The following CCDC60 variants were observed in gnomAD, a reference collection of about 807,000 sequenced individuals.
The protein encoded by CCDC60 is coiled-coil domain-containing protein 60.
A neutral mutation model predicts 63.5 loss-of-function variants in CCDC60; 54 were observed. The ratio of observed to expected loss-of-function variants is 0.85; its 90% CI spans 0.68 to 1.07. CCDC60 has a LOEUF of 1.07. CCDC60 is among the 50% of genes least tolerant of loss of function. The probability of loss-of-function intolerance (pLI) is 0.00; values close to 1 mark genes in which losing one functional copy is unlikely to be tolerated. For missense variants in CCDC60, 651 were observed against 684.3 expected (o/e 0.95, Z 0.54); for synonymous variants, 206 against 238.8 (o/e 0.86, Z 1.27).
chr12:119,374,370 A>T (rs1034289999), intron 1 of CCDC60, among the ~76,000 whole-genome samples: 3 of 152,256 alleles, frequency 2.0e-5, no homozygotes, highest in Non-Finnish European at 4.4e-5. Flanking sequence ...TTTAAAGATG[A>T]GAAAACTAAA....
chr12:119,536,726 GA>G (rs1953016276), intron 13 of CCDC60, among the ~76,000 whole-genome samples: 1 of 152,172 alleles, frequency 6.6e-6, no homozygotes, highest in Non-Finnish European at 1.5e-5. Context: ...TTTTCTTTAA[GA>G]ATGCTGAATA....
At chr12:119,342,151 C>T (rs759219623) in intron 1 of CCDC60, among the ~76,000 whole-genome samples, 3 of 152,184 alleles carry the variant, frequency 2.0e-5, no homozygotes, top group Non-Finnish European at 4.4e-5. Context: ...TGGCAAGGCC[C>T]AAGGCCCTTT....
intron 8 of CCDC60, among the ~76,000 whole-genome samples, chr12:119,518,157 C>T (rs995862982): frequency 1.3e-5 from 2 of 152,162 alleles, no homozygotes; most frequent in African/African-American, 4.8e-5. Context: ...CACTTGGAGG[C>T]ACTCAGAGAC....
At chr12:119,418,408 T>C (rs1277230464) in intron 1 of CCDC60, among the ~76,000 whole-genome samples, 17 of 48,824 alleles carry the variant, frequency 3.5e-4, no homozygotes, top group Middle Eastern at 0.017. Context: ...TTTTTTTTTT[T>C]TTTTTTTTTT....
At chr12:119,430,177 C>CACACACACACACACACACACAT in intron 2 of CCDC60, among the ~76,000 whole-genome samples, 1 of 18,790 alleles carries the variant, frequency 5.3e-5, no homozygotes, top group Admixed American at 7.5e-4. Flanking sequence ...CACACATACA[C>CACACACACACACACACACACAT]ACACACACAC....
intron 1 of CCDC60, among the ~76,000 whole-genome samples, chr12:119,387,199 A>ACTCTGCC (rs1241090695): frequency 6.6e-6 from 1 of 151,976 alleles, no homozygotes; most frequent in Non-Finnish European, 1.5e-5. Context: ...AAAACACTGA[A>ACTCTGCC]CTCTGCCCGA....
chr12:119,347,514 A>G (rs1955609711), intron 1 of CCDC60, among the ~76,000 whole-genome samples: 1 of 152,208 alleles, frequency 6.6e-6, no homozygotes, highest in African/African-American at 2.4e-5. Flanking sequence ...TGCGTTGCTC[A>G]TGATTCTATC....
intron 5 of CCDC60, among the ~76,000 whole-genome samples, chr12:119,499,405 A>G (rs7304132): frequency 0.055 from 8,361 of 152,330 alleles, 292 homozygotes; most frequent in Non-Finnish European, 0.081. Flanking sequence ...CACACTAGTG[A>G]GGAGCCCTGA....
At chr12:119,378,900 C>T (rs764221901) in intron 1 of CCDC60, among the ~76,000 whole-genome samples, 2 of 152,224 alleles carry the variant, frequency 1.3e-5, no homozygotes, top group Non-Finnish European at 2.9e-5. Context: ...TCCCTCTGTA[C>T]ATGGTGGGTA....
At chr12:119,367,443 C>G (rs967932956) in intron 1 of CCDC60, among the ~76,000 whole-genome samples, 4 of 152,188 alleles carry the variant, frequency 2.6e-5, no homozygotes, top group African/African-American at 9.7e-5. Flanking sequence ...CCAAGTCCCC[C>G]AAACTCTGCA....
intron 1 of CCDC60, among the ~76,000 whole-genome samples, chr12:119,367,022 G>A (rs1327884443): frequency 2.0e-5 from 3 of 152,014 alleles, no homozygotes; most frequent in East Asian, 1.9e-4. Flanking sequence ...TAATACAGAC[G>A]AGGTTTCACC....
chr12:119,467,174 G>A lies in CCDC60; in HGVS notation c.171-4820G>A, dbSNP rs140933400. Among the ~76,000 whole-genome samples, 9 of 152,268 alleles carry A rather than the reference G, an allele frequency of 5.9e-5. No homozygotes were observed. In the South Asian group the frequency reaches 1.2e-3, roughly 21 times the overall value. On this transcript the variant is annotated intron_variant, in intron 2 of 13. Coordinates refer to ENST00000327554, the MANE Select transcript of CCDC60 (RefSeq NM_178499.5). ...GGTGCAGTCATGGAGCAGTAACACC[G>A]CCTCTTCAATAAAGCTGTTTTCTTC...
chr12:119,389,328 CA>C (rs777756792), intron 1 of CCDC60, among the ~76,000 whole-genome samples: 4 of 152,206 alleles, frequency 2.6e-5, no homozygotes, highest in Non-Finnish European at 5.9e-5. Flanking sequence ...GGAACACAGC[CA>C]CGCCCATTTC....
intron 1 of CCDC60, among the ~76,000 whole-genome samples, chr12:119,347,833 G>A (rs1340813740): frequency 6.6e-6 from 1 of 152,112 alleles, no homozygotes; most frequent in Non-Finnish European, 1.5e-5. Context: ...GAGGATCAGG[G>A]ACAGCCCCAG....
intron 1 of CCDC60, among the ~76,000 whole-genome samples, chr12:119,362,759 A>G (rs567243613): frequency 6.6e-6 from 1 of 152,200 alleles, no homozygotes; most frequent in Non-Finnish European, 1.5e-5. Flanking sequence ...GTGAACATAT[A>G]CACTAGATTT....
intron 1 of CCDC60, among the ~76,000 whole-genome samples, chr12:119,360,554 C>T (rs555347783): frequency 7.3e-5 from 11 of 149,982 alleles, no homozygotes; most frequent in Non-Finnish European, 1.0e-4. Context: ...CGGGCGGAGA[C>T]GCTCCTCACC....
chr12:119,468,240 C>T (rs1428330644), intron 2 of CCDC60, among the ~76,000 whole-genome samples: 2 of 151,904 alleles, frequency 1.3e-5, no homozygotes, highest in Non-Finnish European at 1.5e-5. Flanking sequence ...TGCAGTGAGC[C>T]GAGATCGCAC....
chr12:119,401,868 C>T (rs1001219323), intron 1 of CCDC60, among the ~76,000 whole-genome samples: 2 of 152,178 alleles, frequency 1.3e-5, no homozygotes, highest in African/African-American at 2.4e-5. Context: ...GACCAATGGC[C>T]GCTGTAATTC....
At chr12:119,459,982 G>T (rs568505575) in intron 2 of CCDC60, among the ~76,000 whole-genome samples, 1 of 152,336 alleles carries the variant, frequency 6.6e-6, no homozygotes, top group South Asian at 2.1e-4. Flanking sequence ...TATCTGTGCA[G>T]TGGGTAAGAT....
Sources: gnomAD v4.1 joint callset for allele counts (sites outside exome capture counted in the v4.1 genomes callset) on GRCh38, gnomAD v4.1.1 for gene constraint, MANE v1.5 for transcripts, NCBI Gene and HGNC (gene_info 2026-07-23, HGNC 2026-07-21) for gene names.